TAFA1: variants seen among roughly 807,000 people sequenced by gnomAD.
TAFA1 encodes the protein chemokine-like protein TAFA-1.
In TAFA1, 4 loss-of-function variants were observed where a neutral mutation model predicts 18.5. The observed-to-expected ratio is 0.22, with a 90% CI of 0.11 to 0.49. The LOEUF is 0.49. TAFA1 is among the 20% of genes least tolerant of loss of function. The pLI, the probability that TAFA1 is intolerant of heterozygous loss-of-function variation, is 0.98. For synonymous variants in TAFA1, 56 were observed against 55.2 expected (o/e 1.01, Z -0.06); for missense variants, 147 against 169.0 (o/e 0.87, Z 0.72).
intron 2 of TAFA1, among the ~76,000 whole-genome samples, chr3:68,098,211 GA>G (rs1001810313): frequency 2.6e-5 from 4 of 151,778 alleles, no homozygotes; most frequent in East Asian, 1.9e-4. Flanking sequence ...TCAAATGGGG[GA>G]AAAAAAGCAC....
chr3:68,298,972 G>T (rs969054829), intron 2 of TAFA1, among the ~76,000 whole-genome samples: 2 of 152,218 alleles, frequency 1.3e-5, no homozygotes, highest in Admixed American at 6.5e-5. Flanking sequence ...AGGCAGAGAG[G>T]TTGGAACAGT....
At chr3:68,121,809 C>T (rs1216083765) in intron 2 of TAFA1, among the ~76,000 whole-genome samples, 1 of 152,066 alleles carries the variant, frequency 6.6e-6, no homozygotes, top group South Asian at 2.1e-4. Context: ...CCATCCCTTC[C>T]AAAGTTTAAG....
chr3:68,031,895 A>G (rs1704942779), intron 2 of TAFA1, among the ~76,000 whole-genome samples: 1 of 152,138 alleles, frequency 6.6e-6, no homozygotes, highest in South Asian at 2.1e-4. Context: ...CCAAGCCAGA[A>G]TCATTGGGAC....
chr3:68,489,803 C>A (rs553357093), intron 3 of TAFA1, among the ~76,000 whole-genome samples: 1 of 148,604 alleles, frequency 6.7e-6, no homozygotes, highest in Non-Finnish European at 1.5e-5. Context: ...ATTAAGAAAC[C>A]AGTGAAAAGT....
intron 2 of TAFA1, among the ~76,000 whole-genome samples, chr3:68,320,241 G>T (rs1491755): frequency 6.6e-6 from 1 of 151,870 alleles, no homozygotes; most frequent in South Asian, 2.1e-4. Flanking sequence ...ACAAGGCTTT[G>T]GTTTGTGGCC....
At chr3:68,229,994 CAA>C (rs1424611178) in intron 2 of TAFA1, among the ~76,000 whole-genome samples, 1 of 151,922 alleles carries the variant, frequency 6.6e-6, no homozygotes, top group Non-Finnish European at 1.5e-5. Context: ...TATGGATACA[CAA>C]GAGTTGTACA....
At chr3:68,371,394 G>A (rs535732513) in intron 2 of TAFA1, among the ~76,000 whole-genome samples, 2 of 151,530 alleles carry the variant, frequency 1.3e-5, no homozygotes, top group East Asian at 1.9e-4. Flanking sequence ...AACCCCCAAC[G>A]GGCCCCAGTG....
chr3:68,454,118 A>G (rs1273228203), intron 3 of TAFA1, among the ~76,000 whole-genome samples: 5 of 152,236 alleles, frequency 3.3e-5, no homozygotes, highest in Non-Finnish European at 1.5e-5. Context: ...CAACTTCACA[A>G]TGTGAGAACC....
intron 2 of TAFA1, among the ~76,000 whole-genome samples, chr3:68,080,878 A>C (rs1454209143): frequency 1.3e-5 from 2 of 152,168 alleles, no homozygotes. Context: ...AGATTGGGGA[A>C]GTTCTCCTGG....
intron 2 of TAFA1, among the ~76,000 whole-genome samples, chr3:68,269,691 A>T (rs1475821242): frequency 6.6e-6 from 1 of 151,846 alleles, no homozygotes; most frequent in African/African-American, 2.4e-5. Context: ...GGAGGCCAAG[A>T]TAGTGGGATC....
intron 2 of TAFA1, among the ~76,000 whole-genome samples, chr3:68,017,152 A>G (rs986876700): frequency 2.0e-5 from 3 of 152,250 alleles, no homozygotes; most frequent in Admixed American, 6.5e-5. Context: ...ATGATAAGAT[A>G]TAAGACATGA....
intron 2 of TAFA1, among the ~76,000 whole-genome samples, chr3:68,308,175 AC>A (rs1028468457): frequency 6.6e-6 from 1 of 152,062 alleles, no homozygotes; most frequent in Non-Finnish European, 1.5e-5. Flanking sequence ...AATTCAGAGG[AC>A]CCCAGAAGGC....
chr3:68,450,299 A>C (rs923014131), intron 3 of TAFA1, among the ~76,000 whole-genome samples: 1 of 152,202 alleles, frequency 6.6e-6, no homozygotes, highest in Non-Finnish European at 1.5e-5. Flanking sequence ...ATTTAGGGTG[A>C]GGAGAATGGA....
chr3:68,283,384 A>T (rs989299719), intron 2 of TAFA1, among the ~76,000 whole-genome samples: 3 of 152,182 alleles, frequency 2.0e-5, no homozygotes, highest in African/African-American at 4.8e-5. Flanking sequence ...ATACACACCA[A>T]GTCAGGTATG....
At chr3:68,371,978 T>C (rs1452928536) in intron 2 of TAFA1, among the ~76,000 whole-genome samples, 1 of 152,220 alleles carries the variant, frequency 6.6e-6, no homozygotes, top group African/African-American at 2.4e-5. Flanking sequence ...GAAATTCTAC[T>C]GTGACTAATT....
At chr3:68,163,080 G>T (rs1426668762) in intron 2 of TAFA1, among the ~76,000 whole-genome samples, 2 of 152,168 alleles carry the variant, frequency 1.3e-5, no homozygotes, top group Non-Finnish European at 2.9e-5. Context: ...AACAAATAAA[G>T]CTTTATTAAC....
intron 3 of TAFA1, among the ~76,000 whole-genome samples, chr3:68,511,267 A>G (rs1178738306): frequency 6.6e-6 from 1 of 152,170 alleles, no homozygotes; most frequent in African/African-American, 2.4e-5. Context: ...GGTGTGATGA[A>G]TTTAAACATG....
At chr3:68,055,590 A>G (rs2064526240) in intron 2 of TAFA1, among the ~76,000 whole-genome samples, 2 of 152,160 alleles carry the variant, frequency 1.3e-5, no homozygotes, top group Admixed American at 1.3e-4. Flanking sequence ...TGAGGAAGGC[A>G]AGTATCATCT....
chr3:68,286,476 A>C (rs1022882592), intron 2 of TAFA1, among the ~76,000 whole-genome samples: 2 of 152,070 alleles, frequency 1.3e-5, no homozygotes, highest in East Asian at 1.9e-4. Flanking sequence ...TGGAATGGAC[A>C]AAAAGAGCTA....
Sources: allele counts gnomAD v4.1 joint callset (sites outside exome capture counted in the v4.1 genomes callset), GRCh38; gene constraint gnomAD v4.1.1; transcripts MANE v1.5; gene names NCBI Gene and HGNC (gene_info 2026-07-23, HGNC 2026-07-21).